LHFPL3: variants seen among roughly 807,000 people sequenced by gnomAD.
LHFPL3 encodes the protein LHFPL tetraspan subfamily member 3.
Under a neutral mutation model 19.3 loss-of-function variants are expected in LHFPL3, and 5 were observed. The observed-to-expected ratio is 0.26, with a 90% CI of 0.14 to 0.54. The LOEUF (loss-of-function observed/expected upper bound fraction) is 0.54. LHFPL3 is among the 20% of genes least tolerant of loss of function. LHFPL3 has a pLI of 0.94. For synonymous variants in LHFPL3, 133 were observed against 126.2 expected, an observed-to-expected ratio of 1.05 and a Z score of -0.36; for missense variants, 249 against 307.4, an observed-to-expected ratio of 0.81 and a Z score of 1.42.
chr7:104,891,684 GA>G (rs1792248844), intron 2 of LHFPL3, among the ~76,000 whole-genome samples: 1 of 152,206 alleles, frequency 6.6e-6, no homozygotes, highest in Admixed American at 6.5e-5. Context: ...GCCTTTCTAA[GA>G]ACCAGAAATC....
intron 1 of LHFPL3, among the ~76,000 whole-genome samples, chr7:104,508,290 T>A (rs1793740181): frequency 6.6e-6 from 1 of 151,920 alleles, no homozygotes; most frequent in East Asian, 1.9e-4. Flanking sequence ...TAAAAAATGA[T>A]GAGTTCATGT....
chr7:104,631,875 T>C lies in LHFPL3; in HGVS notation c.446-104800T>C, dbSNP rs181882900. Among the ~76,000 whole-genome samples, 270 of 152,300 alleles carry C rather than the reference T, an allele frequency of 1.8e-3. 2 individuals carry two copies. The highest frequency in any genetic ancestry group is 6.1e-3 in the African/African-American group (252 of 41,584). On this transcript the variant is annotated intron_variant, in intron 1 of 2. Transcript: ENST00000424859. ...TGTAGTGGAAGATGATTTTAACTTA[T>C]TAGCATCCTTGAGGGCAGGGAAGAA...
intron 1 of LHFPL3, among the ~76,000 whole-genome samples, chr7:104,539,910 G>T (rs1794453638): frequency 6.6e-6 from 1 of 152,076 alleles, no homozygotes; most frequent in Non-Finnish European, 1.5e-5. Context: ...CCCTATATTG[G>T]TTTTCTTTGT....
intron 1 of LHFPL3, among the ~76,000 whole-genome samples, chr7:104,557,711 G>A (rs1278081354): frequency 6.6e-6 from 1 of 150,728 alleles, no homozygotes; most frequent in African/African-American, 2.5e-5. Context: ...AAGTTTTAGG[G>A]TACATGTGCA....
chr7:104,627,596 GTTAAAA>G (rs1226829674), intron 1 of LHFPL3, among the ~76,000 whole-genome samples: 1 of 152,184 alleles, frequency 6.6e-6, no homozygotes, highest in Admixed American at 6.5e-5. Flanking sequence ...TTACTCAGAA[GTTAAAA>G]TTAGATTTCC....
intron 1 of LHFPL3, among the ~76,000 whole-genome samples, chr7:104,687,018 C>T (rs960601801): frequency 6.6e-6 from 1 of 152,174 alleles, no homozygotes; most frequent in Non-Finnish European, 1.5e-5. Context: ...TACAAGGTCC[C>T]TCCCCCAACA....
chr7:104,707,380 C>G (rs1212122546), intron 1 of LHFPL3, among the ~76,000 whole-genome samples: 4 of 152,204 alleles, frequency 2.6e-5, no homozygotes, highest in Non-Finnish European at 1.5e-5. Flanking sequence ...ACTTACTGGT[C>G]AAGTTTGACC....
rs917903509 is a variant in LHFPL3 at position 104,908,074 on chromosome 7, C to T, written c.*1859C>T. ...AATTACACACAACTTTTCAAGAATTCGTATTTTATTTGAAGGGAGGTACCT... is the reference window on the plus strand; with the variant it reads ...AATTACACACAACTTTTCAAGAATTTGTATTTTATTTGAAGGGAGGTACCT... On this transcript the variant is annotated 3_prime_UTR_variant, in exon 3 of 3. Transcript: ENST00000424859. 3.9e-5 allele frequency among the ~76,000 whole-genome samples: 6 copies of T among 152,236 alleles called. No homozygotes were observed. The highest frequency in any genetic ancestry group is 1.9e-4 in the East Asian group (1 of 5,190).
At position 104,328,660 on chromosome 7, in the gene LHFPL3, G is replaced by T. The variant is rs1801508192; in HGVS notation, c.-120G>T. Reference sequence around the variant, plus strand: ...CAGACTCTGAAACTGGTGCTGCTGGGCTGAGGCGGAGGCAGGGGAGTTGCA... The same window carrying T: ...CAGACTCTGAAACTGGTGCTGCTGGTCTGAGGCGGAGGCAGGGGAGTTGCA... On this transcript the variant is annotated 5_prime_UTR_variant, in exon 1 of 3. Transcript: ENST00000424859. This position sits in a 1 kb window ranked among gnomAD's most constrained non-coding sequence, Gnocchi z 4.6. 1.2e-6 allele frequency: 1 copy of T among 843,026 alleles called. No homozygotes were observed. The highest frequency in any genetic ancestry group is 2.7e-5 in the East Asian group (1 of 37,678). 52.2% of individuals were successfully genotyped at this position (843,026 alleles called of 1,614,324 possible).
At chr7:104,702,296 C>T (rs967078653) in intron 1 of LHFPL3, among the ~76,000 whole-genome samples, 2 of 152,146 alleles carry the variant, frequency 1.3e-5, no homozygotes, top group East Asian at 1.9e-4. Flanking sequence ...AAAACACATA[C>T]GAGTGTGTTT....
In LHFPL3 at chr7:104,487,045, T is replaced by G. The variant is rs572083076; in HGVS notation, c.445+157821T>G. On this transcript the variant is annotated intron_variant, in intron 1 of 2. Coordinates refer to ENST00000424859, the MANE Select transcript of LHFPL3 (RefSeq NM_199000.3). ...CATCCTGTTATTTCCCTTACTGTCT[T>G]TCGTTTTTCCTGCAGTATCTGGCCT... Among the ~76,000 whole-genome samples, 26 of 152,312 alleles carry G rather than the reference T, an allele frequency of 1.7e-4. No individual in the cohort carries two copies. In the Middle Eastern group the frequency reaches 0.014, roughly 80 times the overall value.
chr7:104,338,747 G>A (rs1258197100), intron 1 of LHFPL3, among the ~76,000 whole-genome samples: 1 of 152,040 alleles, frequency 6.6e-6, no homozygotes, highest in East Asian at 1.9e-4. Context: ...TAGGTTGATT[G>A]AAAATTAGAC....
At chr7:104,348,158 G>A (rs191742719) in intron 1 of LHFPL3, among the ~76,000 whole-genome samples, 6 of 152,338 alleles carry the variant, frequency 3.9e-5, no homozygotes, top group East Asian at 1.9e-4. Flanking sequence ...AGACCGAGGC[G>A]TGTGGATCAC....
In LHFPL3 at chr7:104,464,687, G is replaced by A. The variant is rs563530803; in HGVS notation, c.445+135463G>A. Among the ~76,000 whole-genome samples, 21 of 152,356 alleles carry A rather than the reference G, an allele frequency of 1.4e-4. No homozygotes were observed. The South Asian group carries it at 3.3e-3, about 24-fold the overall frequency. On this transcript the variant is annotated intron_variant, in intron 1 of 2. Transcript: ENST00000424859. Reference sequence around the variant, plus strand: ...TTGAGCTATACATTGGCCCCTCTTAGCCATGGCTGGGATGCAGGGCACCAA... The same window carrying A: ...TTGAGCTATACATTGGCCCCTCTTAACCATGGCTGGGATGCAGGGCACCAA...
chr7:104,351,175 A>G (rs973776829), intron 1 of LHFPL3, among the ~76,000 whole-genome samples: 6 of 152,214 alleles, frequency 3.9e-5, no homozygotes, highest in East Asian at 1.9e-4. Context: ...GCAGAGATCA[A>G]TGAGTGCAGT....
intron 1 of LHFPL3, among the ~76,000 whole-genome samples, chr7:104,649,599 C>T (rs1168856318): frequency 2.0e-5 from 3 of 152,110 alleles, no homozygotes; most frequent in Admixed American, 6.5e-5. Context: ...GGGGCCAAAC[C>T]ATAACATTTG....
chr7:104,821,416 T>C (rs1306044695), intron 2 of LHFPL3, among the ~76,000 whole-genome samples: 1 of 152,184 alleles, frequency 6.6e-6, no homozygotes, highest in Non-Finnish European at 1.5e-5. Flanking sequence ...AGAGCCGGTT[T>C]CATGCAGATT....
intron 2 of LHFPL3, among the ~76,000 whole-genome samples, chr7:104,816,925 G>A (rs530430860): frequency 6.6e-6 from 1 of 152,200 alleles, no homozygotes; most frequent in Non-Finnish European, 1.5e-5. Flanking sequence ...TAATCCTCTG[G>A]GTTAAGCACA....
chr7:104,420,197 C>A (rs1791700221), intron 1 of LHFPL3, among the ~76,000 whole-genome samples: 1 of 152,194 alleles, frequency 6.6e-6, no homozygotes, highest in African/African-American at 2.4e-5. Flanking sequence ...TCCAGGCCTT[C>A]TGACCACTTT....
Sources: allele counts gnomAD v4.1 joint callset (sites outside exome capture counted in the v4.1 genomes callset), GRCh38; gene constraint gnomAD v4.1.1; non-coding constraint Gnocchi (gnomAD v3.1); transcripts MANE v1.5; gene names NCBI Gene and HGNC (gene_info 2026-07-23, HGNC 2026-07-21).